The following PPFIA4 variants were observed in gnomAD, a reference collection of about 807,000 sequenced individuals.
PPFIA4 encodes PPFI scaffold protein A4.
PPFIA4 carries 98 observed loss-of-function variants against 145.7 expected under a neutral mutation model. The observed-to-expected ratio is 0.67, with a 90% confidence interval of 0.57 to 0.80. PPFIA4 has a LOEUF of 0.80. PPFIA4 is among the 30% of genes least tolerant of loss of function. PPFIA4 has a pLI of 0.00. For missense variants in PPFIA4, 1,457 were observed against 1,632.7 expected (o/e 0.89, Z 1.85); for synonymous variants, 628 against 649.6 (o/e 0.97, Z 0.51).
At chr1:203,044,814 G>A (rs998719139) in intron 6 of PPFIA4, 29 bp downstream of exon 6, 15 of 1,546,556 alleles carry the variant, frequency 9.7e-6, no homozygotes, top group Non-Finnish European at 8.7e-6. Flanking sequence ...TGTAGCAGGG[G>A]TCATGTGTTC....
intron 23 of PPFIA4, 162 bp from the exon 24 acceptor site, chr1:203,061,490 A>G (rs1661350232): frequency 5.8e-6 from 4 of 688,656 alleles, no homozygotes; most frequent in African/African-American, 5.6e-5. Flanking sequence ...GGGTGCACAC[A>G]CCAACCTTGT....
At position 203,060,206 on chromosome 1, in the gene PPFIA4, G is replaced by C; in HGVS notation, c.2584-11G>C. On this transcript the variant is annotated splice_polypyrimidine_tract_variant and intron_variant, in intron 21 of 29. Transcript: ENST00000295706. This position sits in a 1 kb window ranked among gnomAD's most constrained non-coding sequence, Gnocchi z 4.8. ...GGCCTTGAATTACCTCCCTGTGCCC[G>C]GTGTCTGCAGCTCTGGGTGGGGATG... The C allele has an allele frequency of 6.2e-7, 1 of 1,612,994 alleles. No homozygotes were observed. Among genetic ancestry groups the C allele is most frequent in the East Asian group, 2.2e-5 (1 of 44,852 alleles).
At position 203,055,657 on chromosome 1, in the gene PPFIA4, G is replaced by A. The variant is rs1216279568; in HGVS notation, c.2055G>A (p.Met685Ile). 1 of 1,613,916 alleles carries A rather than the reference G, an allele frequency of 6.2e-7. No individual in the cohort carries two copies. Among genetic ancestry groups the A allele is most frequent in the East Asian group, 2.2e-5 (1 of 44,870 alleles). The change falls in exon 16 of 30, where the codon ATG (methionine) becomes ATA (isoleucine). Residue 685 changes from methionine (M) to isoleucine (I), a missense_variant. Around this residue, in one of 3 missense-constraint regions of PPFIA4, gnomAD observed 848 missense variants for 1,046.7 expected, o/e 0.81. Coordinates refer to ENST00000295706, the MANE Select transcript of PPFIA4 (RefSeq NM_001304331.2). This position sits in a 1 kb window ranked among gnomAD's most constrained non-coding sequence, Gnocchi z 4.8. ...GTGCTGCCCAGGACCTGGACCGAAT[G>A]GGGGTCATGACCCTGGTGAGAGGCA... ...SRSAAQDLDR[M>I]GVMTLPSDLR...
chr1:203,034,295 A>G (rs1266645355), intron 1 of PPFIA4, among the ~76,000 whole-genome samples: 3 of 152,146 alleles, frequency 2.0e-5, no homozygotes, highest in Non-Finnish European at 4.4e-5. Context: ...GGGTCCTGGG[A>G]GCAGACCTCA....
chr1:203,028,523 G>A (rs1571645078), intron 1 of PPFIA4, among the ~76,000 whole-genome samples: 1 of 152,252 alleles, frequency 6.6e-6, no homozygotes, highest in East Asian at 1.9e-4. Flanking sequence ...TAAGATATGG[G>A]CAGCTAGCCG....
chr1:203,067,674 T>G (rs1007053533), intron 25 of PPFIA4, 21 bp from the exon 26 acceptor site: 1 of 1,610,646 alleles, frequency 6.2e-7, no homozygotes, highest in African/African-American at 1.3e-5. Context: ...AGGCTCTGGC[T>G]TGGGGGCTGT....
chr1:203,070,635 A>T (rs1312485472), intron 27 of PPFIA4, among the ~76,000 whole-genome samples: 1 of 151,756 alleles, frequency 6.6e-6, no homozygotes, highest in Non-Finnish European at 1.5e-5. Flanking sequence ...GCAGTTTTGA[A>T]AACTTTTCTG....
intron 23 of PPFIA4, chr1:203,061,308 AG>A: frequency 1.8e-6 from 1 of 551,920 alleles, no homozygotes; most frequent in Non-Finnish European, 3.2e-6. Context: ...TGGGCTGGGG[AG>A]GGCTTTGCCC....
intron 15 of PPFIA4, 159 bp downstream of exon 15, chr1:203,054,120 C>T (rs758623241): frequency 1.2e-5 from 10 of 835,184 alleles, no homozygotes; most frequent in African/African-American, 3.4e-5. Flanking sequence ...CTGCCAGTGC[C>T]GGAGTGAGAG....
chr1:203,035,373 C>T, intron 1 of PPFIA4: 1 of 451,714 alleles, frequency 2.2e-6, no homozygotes, highest in South Asian at 1.6e-5. Context: ...GAGCAACAGA[C>T]CCAAATGCCC....
intron 14 of PPFIA4, 54 bp from the exon 15 acceptor site, chr1:203,053,699 C>A (rs1467028768): frequency 3.4e-6 from 5 of 1,472,858 alleles, no homozygotes; most frequent in Non-Finnish European, 4.6e-6. Flanking sequence ...GGGTCCTGCT[C>A]TGCAGTTATC....
At chr1:203,065,520 A>C (rs996783986) in intron 25 of PPFIA4, among the ~76,000 whole-genome samples, 4 of 151,856 alleles carry the variant, frequency 2.6e-5, no homozygotes, top group Non-Finnish European at 5.9e-5. Flanking sequence ...CCTCCCCGCA[A>C]CCCCTCTGCC....
intron 21 of PPFIA4, 65 bp downstream of exon 21, chr1:203,059,916 G>C (rs1419901998): frequency 7.5e-7 from 1 of 1,340,452 alleles, no homozygotes; most frequent in East Asian, 2.4e-5. Flanking sequence ...GTGGGCAGAG[G>C]GGTGGTGTCC....
chr1:203,062,649 A>G (rs545303302), intron 24 of PPFIA4, among the ~76,000 whole-genome samples: 3 of 152,258 alleles, frequency 2.0e-5, no homozygotes, highest in African/African-American at 7.2e-5. Context: ...TTCATGCCAT[A>G]AAACACCCTT....
At chr1:203,070,405 A>G (rs1662066317) in intron 27 of PPFIA4, among the ~76,000 whole-genome samples, 1 of 151,920 alleles carries the variant, frequency 6.6e-6, no homozygotes, top group Non-Finnish European at 1.5e-5. Flanking sequence ...ACATAGTGAG[A>G]CCCAGTCTCT....
intron 1 of PPFIA4, among the ~76,000 whole-genome samples, chr1:203,027,687 T>C (rs999244996): frequency 6.6e-6 from 1 of 152,122 alleles, no homozygotes; most frequent in Non-Finnish European, 1.5e-5. Flanking sequence ...CAGCAAACAT[T>C]TGTTGGACAC....
Position 203,045,443 on chromosome 1 carries a change from C to G in PPFIA4, c.742C>G (p.Arg248Gly). ...CTTTGAGTTGAGCCAGGCCCGGGAG[C>G]GACTGGTCACCCTAACAACAACCGT... Reference protein sequence around the residue: ...QNFELSQARERLVTLTTTVTE... With the variant: ...QNFELSQAREGLVTLTTTVTE... The change falls in exon 7 of 30, where the codon CGA becomes GGA. Residue 248 changes from arginine (R) to glycine (G), a missense_variant. Coordinates refer to ENST00000295706, the MANE Select transcript of PPFIA4 (RefSeq NM_001304331.2). 2 of 1,609,536 alleles carry G rather than the reference C, an allele frequency of 1.2e-6. No individual in the cohort carries two copies. Among genetic ancestry groups the G allele is most frequent in the Non-Finnish European group, 1.7e-6 (2 of 1,178,616 alleles).
Position 203,039,207 on chromosome 1 carries a change from C to G in PPFIA4, c.199C>G (p.Gln67Glu), listed in dbSNP as rs779266493. ...CCAGGATGCCATACACGAGCGGGAC[C>G]AGCTCCAGCGCCACCTTAACTCCGC... ...RLQDAIHERD[Q>E]LQRHLNSALP... is the part of the protein sequence containing the mutation. Residue 67 changes from glutamine (Q) to glutamate (E), a missense_variant, in exon 2 of 30, where the codon CAG (glutamine) becomes GAG (glutamate). By Grantham distance (29) the Gln-to-Glu change is conservative. Transcript: ENST00000295706. The G allele has an allele frequency of 6.9e-6, 11 of 1,603,622 alleles. No homozygotes were observed. The highest frequency in any genetic ancestry group is 9.4e-6 in the Non-Finnish European group (11 of 1,175,854).
intron 19 of PPFIA4, among the ~76,000 whole-genome samples, chr1:203,057,273 G>C (rs992131866): frequency 6.6e-6 from 1 of 152,218 alleles, no homozygotes; most frequent in Non-Finnish European, 1.5e-5. Flanking sequence ...ATTTTCTGAG[G>C]TACTGTGCTC....
Sources: gnomAD v4.1 joint callset for allele counts (sites outside exome capture counted in the v4.1 genomes callset) on GRCh38, gnomAD v4.1.1 for gene constraint, gnomAD v4.1.1 regional missense constraint, Gnocchi (gnomAD v3.1) non-coding constraint, MANE v1.5 for transcripts, NCBI Gene and HGNC (gene_info 2026-07-23, HGNC 2026-07-21) for gene names.